Variants in NIBAN3 observed in about 807,000 individuals in gnomAD.
NIBAN3 encodes protein Niban 3.
Under a neutral mutation model 76.4 loss-of-function variants are expected in NIBAN3, and 66 were observed. The ratio of observed to expected loss-of-function variants is 0.86; its 90% CI spans 0.71 to 1.06. The LOEUF (loss-of-function observed/expected upper bound fraction) is 1.06, where lower values mean the gene tolerates loss of function less well. Among genes scored for constraint, NIBAN3 ranks in the 50% least tolerant of loss-of-function variants. The probability of loss-of-function intolerance (pLI) is 0.00; values close to 1 mark genes in which losing one functional copy is unlikely to be tolerated. For synonymous variants in NIBAN3, 360 were observed against 355.2 expected (o/e 1.01, Z -0.15); for missense variants, 808 against 810.7 (o/e 1.00, Z 0.04).
In NIBAN3 at chr19:17,546,322, G is replaced by A. The variant is rs140666005; in HGVS notation, c.1555-364G>A. ...TTATACTGGAACAGCTCATGTCCTC[G>A]GTCTCTTGCCTCAGCACCTGGGTGG... On this transcript the variant is annotated intron_variant, in intron 12 of 14. Coordinates refer to ENST00000599164, the MANE Select transcript of NIBAN3 (RefSeq NM_001321827.2). The A allele has an allele frequency of 8.1e-3, 1,280 of 158,142 alleles. 14 individuals are homozygous for A. The highest frequency in any genetic ancestry group is 0.03 in the African/African-American group (1,229 of 41,514). 9.8% of individuals were successfully genotyped at this position (158,142 alleles called of 1,614,324 possible).
chr19:17,530,074 G>A lies in NIBAN3; in HGVS notation c.56-681G>A, dbSNP rs996033386. Among the ~76,000 whole-genome samples, 118 of 135,960 alleles carry A rather than the reference G, an allele frequency of 8.7e-4. 1 individual carries two copies. The highest frequency in any genetic ancestry group is 3.3e-3 in the African/African-American group (110 of 32,946). 89.2% of individuals were successfully genotyped at this position (135,960 alleles called of 152,430 possible). A position where few individuals can be genotyped will look rare whatever the true frequency, so the allele number is the denominator to read the frequency against. Reference sequence around the variant, plus strand: ...CCTGTCTCAAAAAAAAGAAAAAAAAGTGCAAGACAAGTGGATCACTGGAGC... The same window carrying A: ...CCTGTCTCAAAAAAAAGAAAAAAAAATGCAAGACAAGTGGATCACTGGAGC... On this transcript the variant is annotated intron_variant, in intron 1 of 14. Transcript: ENST00000599164.
intron 1 of NIBAN3, among the ~76,000 whole-genome samples, chr19:17,529,902 T>TA (rs1044237024): frequency 2.0e-5 from 3 of 151,492 alleles, no homozygotes; most frequent in East Asian, 1.9e-4. Flanking sequence ...TCTACAAAAA[T>TA]AAAAAAATTA....
At chr19:17,551,570 G>T (rs1052760483) in intron 14 of NIBAN3, among the ~76,000 whole-genome samples, 1 of 151,888 alleles carries the variant, frequency 6.6e-6, no homozygotes, top group East Asian at 1.9e-4. Flanking sequence ...ACCATGCCCA[G>T]CTAATTTTTG....
At chr19:17,531,683 G>A (rs539134405) in intron 2 of NIBAN3, among the ~76,000 whole-genome samples, 2 of 152,240 alleles carry the variant, frequency 1.3e-5, no homozygotes, top group South Asian at 2.1e-4. Flanking sequence ...ACAGGCGCCC[G>A]CCACCATGCC....
intron 2 of NIBAN3, 46 bp from the exon 3 acceptor site, chr19:17,532,217 C>T (rs1329289385): frequency 1.3e-6 from 2 of 1,571,124 alleles, no homozygotes; most frequent in South Asian, 1.2e-5. Flanking sequence ...GCCACAGGGA[C>T]ATCAGCCCAC....
intron 13 of NIBAN3, among the ~76,000 whole-genome samples, chr19:17,548,718 G>A (rs997622490): frequency 2.6e-5 from 4 of 152,166 alleles, no homozygotes; most frequent in African/African-American, 9.7e-5. Context: ...TGGAGGTCAG[G>A]AGTTTGAGAC....
At chr19:17,549,681 C>G in intron 14 of NIBAN3, 154 bp downstream of exon 14, 1 of 704,772 alleles carries the variant, frequency 1.4e-6, no homozygotes, top group Middle Eastern at 2.3e-4. Flanking sequence ...TGGCCAAGCT[C>G]GTGAACAAGC....
chr19:17,543,428 C>G lies in NIBAN3; in HGVS notation c.1441C>G (p.Leu481Val). The stretch of plus-strand genomic sequence containing the variant: ...GCTGGAGAGAGTCAGGGGGCGCGTG[C>G]TGAAGGTGTGTTCTGTGGGTACGGG... The part of the protein sequence containing the change: ...QRLERVRGRV[L>V]KKFKSDSGLA... Residue 481 changes from leucine to valine, a missense_variant, in exon 11 of 15, where the codon CTG (leucine) becomes GTG (valine). Leu to Val is a conservative substitution (Grantham distance 32). Transcript: ENST00000599164. 6.2e-7 allele frequency: 1 copy of G among 1,613,490 alleles called. No homozygotes were observed. The highest frequency in any genetic ancestry group is 1.1e-5 in the South Asian group (1 of 91,068).
At chr19:17,543,252 G>T in intron 10 of NIBAN3, 65 bp from the exon 11 acceptor site, 1 of 1,074,764 alleles carries the variant, frequency 9.3e-7, no homozygotes, top group Non-Finnish European at 1.4e-6. Flanking sequence ...GGTCAGCTGG[G>T]CAGGAGTGGG....
chr19:17,534,344 GTC>G (rs1310973815), intron 4 of NIBAN3, among the ~76,000 whole-genome samples: 1 of 152,016 alleles, frequency 6.6e-6, no homozygotes, highest in Non-Finnish European at 1.5e-5. Flanking sequence ...GTGAAACCTC[GTC>G]TCTACTAAAA....
chr19:17,546,578 C>G, intron 12 of NIBAN3, 108 bp from the exon 13 acceptor site: 1 of 1,305,234 alleles, frequency 7.7e-7, no homozygotes. Context: ...AAGCCCCGCC[C>G]CCCAACCCCA....
intron 5 of NIBAN3, among the ~76,000 whole-genome samples, chr19:17,537,947 A>G (rs1485758740): frequency 6.6e-6 from 1 of 151,218 alleles, no homozygotes; most frequent in East Asian, 2.0e-4. Flanking sequence ...ACTCCATCAC[A>G]CACACACACA....
chr19:17,535,745 CAA>C (rs1163900162), intron 4 of NIBAN3, among the ~76,000 whole-genome samples: 12 of 85,988 alleles, frequency 1.4e-4, no homozygotes, highest in Admixed American at 2.6e-4. Context: ...AAGACTCTGT[CAA>C]AAAAAAAAAA....
downstream of NIBAN3, chr19:17,553,961 C>T (rs892030063): frequency 1.2e-5 from 2 of 160,972 alleles, no homozygotes; most frequent in African/African-American, 4.9e-5. Context: ...ACCTCCACCT[C>T]CTGGGTTCAA....
chr19:17,539,275 C>T lies in NIBAN3; in HGVS notation c.711+10C>T. 6.3e-7 allele frequency: 1 copy of T among 1,585,698 alleles called. No individual in the cohort carries two copies. Among genetic ancestry groups the T allele is most frequent in the Non-Finnish European group, 8.6e-7 (1 of 1,166,488 alleles). On this transcript the variant is annotated intron_variant, in intron 6 of 14. Transcript: ENST00000599164. Reference sequence around the variant, plus strand: ...AGGCTCAGACGCCGAGGTTAGTGCCCCGCGAGGCCGCACCCGGGACCCCCA... The same window carrying T: ...AGGCTCAGACGCCGAGGTTAGTGCCTCGCGAGGCCGCACCCGGGACCCCCA...
chr19:17,547,327 C>T (rs1368192414), intron 13 of NIBAN3, among the ~76,000 whole-genome samples: 6 of 139,546 alleles, frequency 4.3e-5, no homozygotes, highest in Non-Finnish European at 6.2e-5. Flanking sequence ...GCACTGCAGC[C>T]TGGCGACAGA....
At chr19:17,546,026 G>A (rs967824640) in intron 12 of NIBAN3, 6 of 419,798 alleles carry the variant, frequency 1.4e-5, no homozygotes, top group Admixed American at 2.5e-5. Flanking sequence ...CTTCCCAGAC[G>A]CTGGCGTCAC....
chr19:17,535,659 A>T (rs919711300), intron 4 of NIBAN3, among the ~76,000 whole-genome samples: 2 of 151,648 alleles, frequency 1.3e-5, no homozygotes, highest in Non-Finnish European at 1.5e-5. Flanking sequence ...GAGGCAGGAG[A>T]ATTGCTTGAA....
At position 17,539,240 on chromosome 19, in the gene NIBAN3, A is replaced by T; in HGVS notation, c.686A>T (p.Asp229Val). 1 of 1,607,380 alleles carries T rather than the reference A, an allele frequency of 6.2e-7. No individual in the cohort carries two copies. The highest frequency in any genetic ancestry group is 8.5e-7 in the Non-Finnish European group (1 of 1,177,280). ...RQHQGHFGDD[D>V]VTLGSDAEVL... The stretch of plus-strand genomic sequence containing the variant: ...CACCAAGGCCACTTTGGCGACGACG[A>T]CGTGACCCTAGGCTCAGACGCCGAG... Residue 229 changes from aspartate (D) to valine (V), a missense_variant, in exon 6 of 15, where the codon GAC becomes GTC. Transcript: ENST00000599164.
Sources: allele counts gnomAD v4.1 joint callset (sites outside exome capture counted in the v4.1 genomes callset), GRCh38; gene constraint gnomAD v4.1.1; transcripts MANE v1.5; gene names NCBI Gene and HGNC (gene_info 2026-07-23, HGNC 2026-07-21).